UGT2B11: variants seen among roughly 807,000 people sequenced by gnomAD.
UGT2B11 encodes the protein UDP glucuronosyltransferase family 2 member B11.
UGT2B11 carries 49 observed loss-of-function variants against 51.7 expected under a neutral mutation model. The observed-to-expected ratio is 0.95, with a 90% CI of 0.75 to 1.20. UGT2B11 has a LOEUF of 1.20. UGT2B11 is among the 50% of genes most tolerant of loss of function. The pLI, the probability that UGT2B11 is intolerant of heterozygous loss-of-function variation, is 0.00. For missense variants in UGT2B11, 810 were observed against 622.1 expected (o/e 1.30, Z -3.21); for synonymous variants, 273 against 209.0 (o/e 1.31, Z -2.64).
Position 69,214,142 on chromosome 4 carries a change from A to G in UGT2B11, c.581T>C (p.Ile194Thr), listed in dbSNP as rs1169396918. The change falls in exon 1 of 6, where the codon ATA becomes ACA. Residue 194 changes from isoleucine to threonine, a missense_variant. Ile to Thr is a moderately conservative substitution (Grantham distance 89). Transcript: ENST00000446444. ...SGGLIFPPSY[I>T]PIVMSKLSDQ... ...ACTTAATTTTGACATAACAATAGGT[A>G]TGTAGGAAGGAGGGAAAATCAGTCC... 2 of 1,612,680 alleles carry G rather than the reference A, an allele frequency of 1.2e-6. No homozygotes were observed. The highest frequency in any genetic ancestry group is 1.7e-5 in the Admixed American group (1 of 59,872).
At chr4:69,208,209 T>C (rs1287581951) in intron 3 of UGT2B11, 142 bp downstream of exon 3, 4 of 1,487,756 alleles carry the variant, frequency 2.7e-6, no homozygotes, top group African/African-American at 1.4e-5. Context: ...TTACTTGTGT[T>C]GGTGGAAGCA....
chr4:69,202,019 C>G (rs1362951624), intron 5 of UGT2B11, among the ~76,000 whole-genome samples: 6 of 151,760 alleles, frequency 4.0e-5, no homozygotes, highest in South Asian at 4.1e-4. Flanking sequence ...ATTAGCCTGA[C>G]TTCGAATAAC....
chr4:69,207,440 T>A (rs1721898927), intron 3 of UGT2B11, among the ~76,000 whole-genome samples: 1 of 151,660 alleles, frequency 6.6e-6, no homozygotes, highest in African/African-American at 2.4e-5. Context: ...AGGTCCCTGG[T>A]TTACTCTATA....
At chr4:69,202,350 G>A (rs1336922020) in intron 5 of UGT2B11, among the ~76,000 whole-genome samples, 2 of 151,570 alleles carry the variant, frequency 1.3e-5, no homozygotes, top group African/African-American at 4.8e-5. Flanking sequence ...CTTCTTGACT[G>A]TAAATTTTTT....
At chr4:69,212,317 G>T (rs1008990440) in intron 2 of UGT2B11, among the ~76,000 whole-genome samples, 8 of 151,430 alleles carry the variant, frequency 5.3e-5, no homozygotes, top group African/African-American at 1.2e-4. Context: ...CTTAGGTGTT[G>T]CATAATCAAC....
the UGT2B11 span, among the ~76,000 whole-genome samples, chr4:69,224,671 GT>G: frequency 6.6e-6 from 1 of 151,858 alleles, no homozygotes; most frequent in African/African-American, 2.4e-5. Context: ...AATGCCAAAG[GT>G]TCTTGCCTTA....
chr4:69,213,996 T>A lies in UGT2B11; in HGVS notation c.721+6A>T. 2 of 1,552,430 alleles carry A rather than the reference T, an allele frequency of 1.3e-6. No homozygotes were observed. Among genetic ancestry groups the A allele is most frequent in the South Asian group, 2.5e-5 (2 of 78,826 alleles). ...TCTTCACGTTACCGATTAAACAAAT[T>A]CTTACCTAAAACTTCACTGTAAAAC... On this transcript the variant is annotated splice_donor_region_variant and intron_variant, in intron 1 of 5. Transcript: ENST00000446444.
chr4:69,214,905 A>C, upstream of UGT2B11: 1 of 951,718 alleles, frequency 1.1e-6, no homozygotes, highest in East Asian at 2.7e-5. Flanking sequence ...TTACTCAAGG[A>C]TGTTTTATGT....
upstream of UGT2B11, among the ~76,000 whole-genome samples, chr4:69,219,486 T>C (rs1722357238): frequency 7.1e-6 from 1 of 141,640 alleles, no homozygotes; most frequent in Admixed American, 7.0e-5. Flanking sequence ...TAGGGTTTTA[T>C]AGTTTATGAT....
chr4:69,209,437 T>C (rs1560539163), intron 2 of UGT2B11, among the ~76,000 whole-genome samples: 1 of 151,704 alleles, frequency 6.6e-6, no homozygotes, highest in Admixed American at 6.6e-5. Flanking sequence ...ATTACACTGC[T>C]GGTGAAGATG....
At position 69,200,534 on chromosome 4, in the gene UGT2B11, G is replaced by A; in HGVS notation, c.1496C>T (p.Ala499Val). ...HSLDVIGFLL[A>V]CVATVIFIIT... ...GATAAATATCACAGTTGCCACACAGGCCAGCAGAAACCCAATCACATCCAA... is the reference window on the plus strand; with the variant it reads ...GATAAATATCACAGTTGCCACACAGACCAGCAGAAACCCAATCACATCCAA... The change falls in exon 6 of 6, where the codon GCC (alanine) becomes GTC (valine). Residue 499 changes from alanine (A) to valine (V), a missense_variant. Coordinates refer to ENST00000446444, the MANE Select transcript of UGT2B11 (RefSeq NM_001073.3). 1 of 1,612,288 alleles carries A rather than the reference G, an allele frequency of 6.2e-7. No individual in the cohort carries two copies. The highest frequency in any genetic ancestry group is 8.5e-7 in the Non-Finnish European group (1 of 1,178,956).
At chr4:69,206,152 C>T (rs1473178915) in intron 3 of UGT2B11, among the ~76,000 whole-genome samples, 1 of 151,276 alleles carries the variant, frequency 6.6e-6, no homozygotes, top group African/African-American at 2.4e-5. Context: ...ATAACTGGTT[C>T]TTTTATGAAG....
chr4:69,220,061 A>G, the UGT2B11 span, among the ~76,000 whole-genome samples: 1 of 152,216 alleles, frequency 6.6e-6, no homozygotes, highest in African/African-American at 2.4e-5. Context: ...ATGAAGAAAC[A>G]GGCATTGGAT....
intron 1 of UGT2B11, 25 bp from the exon 2 acceptor site, chr4:69,212,746 A>T (rs773247988): frequency 4.4e-6 from 7 of 1,591,060 alleles, no homozygotes; most frequent in Non-Finnish European, 6.0e-6. Context: ...GAAAAGAAAA[A>T]GTGGATGATG....
At chr4:69,220,964 G>C in the UGT2B11 span, among the ~76,000 whole-genome samples, 1 of 152,170 alleles carries the variant, frequency 6.6e-6, no homozygotes, top group South Asian at 2.1e-4. Flanking sequence ...ATTTATAACA[G>C]AATTGTGTGG....
chr4:69,211,253 A>T (rs1156573628), intron 2 of UGT2B11: 1 of 151,548 alleles, frequency 6.6e-6, no homozygotes, highest in Non-Finnish European at 1.5e-5. Flanking sequence ...CACATATTTG[A>T]GGTACACATT....
chr4:69,205,631 C>G lies in UGT2B11; in HGVS notation c.1003-64G>C, dbSNP rs574044576. On this transcript the variant is annotated intron_variant, in intron 3 of 5. Coordinates refer to ENST00000446444, the MANE Select transcript of UGT2B11 (RefSeq NM_001073.3). Reference sequence around the variant, plus strand: ...ACTCAAAAATTATAGAATGTTAGAACTGTAGAAAGCATAGGAATGAGATCA... The same window carrying G: ...ACTCAAAAATTATAGAATGTTAGAAGTGTAGAAAGCATAGGAATGAGATCA... 1.5e-5 allele frequency: 23 copies of G among 1,540,112 alleles called. No individual in the cohort carries two copies. The East Asian group carries it at 5.0e-4, about 33-fold the overall frequency.
intron 1 of UGT2B11, among the ~76,000 whole-genome samples, chr4:69,213,592 A>G (rs1462557673): frequency 3.3e-5 from 5 of 151,868 alleles, no homozygotes; most frequent in Non-Finnish European, 7.4e-5. Flanking sequence ...ACTGAGATTT[A>G]CAAGGAAAAC....
upstream of UGT2B11, chr4:69,215,233 T>C (rs189914714): frequency 4.3e-3 from 651 of 152,740 alleles, 1 homozygote; most frequent in South Asian, 0.017. Context: ...ATCAGTTTTA[T>C]CTAAAAAAAC....
Sources: gnomAD v4.1 joint callset for allele counts (sites outside exome capture counted in the v4.1 genomes callset) on GRCh38, gnomAD v4.1.1 for gene constraint, MANE v1.5 for transcripts, NCBI Gene and HGNC (gene_info 2026-07-23, HGNC 2026-07-21) for gene names.